The following PABPC4L variants were observed in gnomAD, a reference collection of about 807,000 sequenced individuals.
The protein encoded by PABPC4L is polyadenylate-binding protein 4-like.
For synonymous variants in PABPC4L, 169 were observed against 164.1 expected, an observed-to-expected ratio of 1.03 and a Z score of -0.23; for missense variants, 452 against 451.4, an observed-to-expected ratio of 1.00 and a Z score of -0.01.
chr4:133,964,736 A>G, the PABPC4L span, among the ~76,000 whole-genome samples: 1 of 152,156 alleles, frequency 6.6e-6, no homozygotes, highest in Non-Finnish European at 1.5e-5. Flanking sequence ...ATCTCAATAG[A>G]TACAGAAAAA....
chr4:134,092,753 T>G, the PABPC4L span, among the ~76,000 whole-genome samples: 1 of 151,968 alleles, frequency 6.6e-6, no homozygotes, highest in Non-Finnish European at 1.5e-5. Context: ...ACAAGGGGTT[T>G]GAACTCAGTG....
At chr4:133,997,958 C>A in the PABPC4L span, among the ~76,000 whole-genome samples, 1 of 151,914 alleles carries the variant, frequency 6.6e-6, no homozygotes, top group South Asian at 2.1e-4. Flanking sequence ...AATATCTTCT[C>A]ATTTCCTTTT....
the PABPC4L span, among the ~76,000 whole-genome samples, chr4:134,019,510 A>G: frequency 6.6e-6 from 1 of 152,216 alleles, no homozygotes; most frequent in African/African-American, 2.4e-5. Flanking sequence ...GCAACAACAT[A>G]GTAGAGCACT....
At chr4:134,017,063 C>T in the PABPC4L span, among the ~76,000 whole-genome samples, 1 of 152,158 alleles carries the variant, frequency 6.6e-6, no homozygotes, top group Non-Finnish European at 1.5e-5. Flanking sequence ...GCCTTCCCAC[C>T]TCTATACAGT....
chr4:134,090,316 C>A, the PABPC4L span, among the ~76,000 whole-genome samples: 1 of 152,050 alleles, frequency 6.6e-6, no homozygotes, highest in Non-Finnish European at 1.5e-5. Context: ...TAGAATAATT[C>A]AAACATGTTA....
chr4:133,997,128 C>A, the PABPC4L span, among the ~76,000 whole-genome samples: 1 of 152,072 alleles, frequency 6.6e-6, no homozygotes, highest in African/African-American at 2.4e-5. Context: ...TCTCTATTAC[C>A]TGAGACACCA....
the PABPC4L span, among the ~76,000 whole-genome samples, chr4:134,186,371 C>T: frequency 6.6e-6 from 1 of 151,968 alleles, no homozygotes; most frequent in Admixed American, 6.6e-5. Flanking sequence ...AATAGAGTCC[C>T]TGGAAATAAT....
At chr4:134,155,753 C>CA in the PABPC4L span, among the ~76,000 whole-genome samples, 7 of 151,918 alleles carry the variant, frequency 4.6e-5, no homozygotes, top group African/African-American at 1.7e-4. Flanking sequence ...AAAACCACAG[C>CA]ATTTAAATCA....
the PABPC4L span, among the ~76,000 whole-genome samples, chr4:134,028,229 T>G: frequency 6.6e-6 from 1 of 152,252 alleles, no homozygotes; most frequent in South Asian, 2.1e-4. Context: ...AGAACAACTT[T>G]AAATTCTTTC....
chr4:134,116,143 G>T, the PABPC4L span, among the ~76,000 whole-genome samples: 25 of 151,784 alleles, frequency 1.6e-4, no homozygotes, highest in African/African-American at 5.6e-4. Context: ...ATCAGGGACT[G>T]CAAAGTAGAA....
chr4:134,012,156 T>G, the PABPC4L span, among the ~76,000 whole-genome samples: 1 of 152,318 alleles, frequency 6.6e-6, no homozygotes, highest in South Asian at 2.1e-4. Context: ...TCTGTAAAAC[T>G]GGTATAATAG....
At chr4:134,167,743 A>G in the PABPC4L span, among the ~76,000 whole-genome samples, 3,412 of 152,102 alleles carry the variant, frequency 0.022, 128 homozygotes, top group African/African-American at 0.077. Flanking sequence ...GTATGTAACA[A>G]TTGTAAATAT....
chr4:134,128,477 A>G, the PABPC4L span, among the ~76,000 whole-genome samples: 651 of 152,292 alleles, frequency 4.3e-3, 5 homozygotes, highest in African/African-American at 0.015. Flanking sequence ...CCTACAGACT[A>G]GAAGAGACTG....
the PABPC4L span, among the ~76,000 whole-genome samples, chr4:134,040,170 C>T: frequency 6.6e-6 from 1 of 151,120 alleles, no homozygotes; most frequent in Non-Finnish European, 1.5e-5. Context: ...CAATGCTATC[C>T]CCTCAAACTA....
the PABPC4L span, among the ~76,000 whole-genome samples, chr4:134,107,016 G>A: frequency 2.6e-5 from 4 of 151,462 alleles, no homozygotes; most frequent in South Asian, 2.1e-4. Flanking sequence ...TTTACCTAGC[G>A]AGGAATCTAT....
At chr4:134,036,512 A>G in the PABPC4L span, among the ~76,000 whole-genome samples, 4 of 152,086 alleles carry the variant, frequency 2.6e-5, no homozygotes, top group African/African-American at 9.7e-5. Context: ...TATTTCAAAG[A>G]ATCTCTTTTC....
the PABPC4L span, among the ~76,000 whole-genome samples, chr4:133,983,480 G>A: frequency 2.0e-5 from 3 of 151,628 alleles, no homozygotes; most frequent in East Asian, 3.9e-4. Context: ...TAAGCCCAGC[G>A]AAGGTTTGAA....
At chr4:134,022,515 A>G in the PABPC4L span, among the ~76,000 whole-genome samples, 1 of 152,126 alleles carries the variant, frequency 6.6e-6, no homozygotes, top group Non-Finnish European at 1.5e-5. Context: ...TAACTGGCTC[A>G]TAATTTACAA....
the PABPC4L span, among the ~76,000 whole-genome samples, chr4:134,100,063 G>A: frequency 1.8e-4 from 27 of 151,714 alleles, no homozygotes; most frequent in Non-Finnish European, 3.5e-4. Flanking sequence ...TGGAGATGCC[G>A]CATCAGCAGC....
Sources: allele counts gnomAD v4.1 joint callset (sites outside exome capture counted in the v4.1 genomes callset), GRCh38; gene constraint gnomAD v4.1.1; transcripts MANE v1.5; gene names NCBI Gene and HGNC (gene_info 2026-07-23, HGNC 2026-07-21).